CFAP54: variants seen among roughly 807,000 people sequenced by gnomAD.
CFAP54 encodes the protein cilia and flagella associated protein 54, also known as cilia- and flagella-associated protein 54.
A neutral mutation model predicts 370.4 loss-of-function variants in CFAP54; 290 were observed. The observed-to-expected ratio is 0.78, with a 90% CI of 0.71 to 0.86. The LOEUF (loss-of-function observed/expected upper bound fraction) is 0.86, where lower values mean the gene tolerates loss of function less well. CFAP54 is among the 40% of genes least tolerant of loss of function. The probability of loss-of-function intolerance (pLI) is 0.00; values close to 1 mark genes in which losing one functional copy is unlikely to be tolerated. For missense variants in CFAP54, 3,399 were observed against 3,528.7 expected (o/e 0.96, Z 0.93); for synonymous variants, 1,206 against 1,236.5 (o/e 0.98, Z 0.52).
chr12:96,739,813 G>A (rs944644053), intron 50 of CFAP54, 143 bp from the exon 51 acceptor site: 1 of 558,772 alleles, frequency 1.8e-6, no homozygotes, highest in African/African-American at 1.9e-5. Context: ...GTACTATTAG[G>A]GCCTGCAGAA....
chr12:96,804,940 G>A (rs1038109843), intron 63 of CFAP54, among the ~76,000 whole-genome samples: 1 of 151,964 alleles, frequency 6.6e-6, no homozygotes, highest in Non-Finnish European at 1.5e-5. Flanking sequence ...AAGTAAAACC[G>A]TATACCTTTA....
chr12:96,722,467 G>C (rs1019154595), intron 50 of CFAP54, among the ~76,000 whole-genome samples: 1 of 152,228 alleles, frequency 6.6e-6, no homozygotes, highest in Non-Finnish European at 1.5e-5. Context: ...GCCTCTTGTG[G>C]CTGGGGTGGA....
chr12:96,607,045 C>T (rs2136450625), intron 26 of CFAP54, among the ~76,000 whole-genome samples: 1 of 152,296 alleles, frequency 6.6e-6, no homozygotes, highest in Admixed American at 6.5e-5. Context: ...AACAGAGAGG[C>T]TTCTACCCTC....
chr12:96,787,123 TA>T (rs1224657428), intron 62 of CFAP54, among the ~76,000 whole-genome samples: 1 of 152,200 alleles, frequency 6.6e-6, no homozygotes. Context: ...ATAAGTCTTT[TA>T]AAATGCCTTA....
chr12:96,586,716 A>C (rs1488805410), intron 22 of CFAP54, among the ~76,000 whole-genome samples: 1 of 152,182 alleles, frequency 6.6e-6, no homozygotes, highest in Non-Finnish European at 1.5e-5. Context: ...TGGGGAGCAG[A>C]TCATGAAAAG....
intron 66 of CFAP54, among the ~76,000 whole-genome samples, chr12:96,856,611 A>C (rs1341808441): frequency 6.6e-6 from 1 of 151,122 alleles, no homozygotes; most frequent in African/African-American, 2.5e-5. Context: ...AGACCACCTC[A>C]TCCTGGACTT....
intron 17 of CFAP54, among the ~76,000 whole-genome samples, chr12:96,560,123 G>A (rs764641133): frequency 1.6e-4 from 25 of 152,104 alleles, no homozygotes; most frequent in Non-Finnish European, 3.1e-4. Flanking sequence ...AGTTATTTGT[G>A]TTGAGAACAT....
At chr12:96,560,385 A>C (rs946180506) in intron 17 of CFAP54, among the ~76,000 whole-genome samples, 21 of 152,266 alleles carry the variant, frequency 1.4e-4, no homozygotes, top group African/African-American at 5.1e-4. Flanking sequence ...TCTATTATGC[A>C]TCTAATTTTC....
At chr12:96,772,651 G>T (rs937733370) in intron 60 of CFAP54, among the ~76,000 whole-genome samples, 10 of 135,160 alleles carry the variant, frequency 7.4e-5, no homozygotes, top group Admixed American at 7.1e-4. Context: ...GGAGTGCAAT[G>T]GCATACTGCC....
chr12:96,716,293 C>T (rs576319470), intron 48 of CFAP54, among the ~76,000 whole-genome samples: 118 of 152,234 alleles, frequency 7.8e-4, no homozygotes, highest in Non-Finnish European at 1.3e-3. Flanking sequence ...TGATTTTTTG[C>T]TTGGAGATGT....
intron 66 of CFAP54, among the ~76,000 whole-genome samples, chr12:96,832,282 A>AAAT (rs1565996101): frequency 1.5e-5 from 2 of 129,766 alleles, no homozygotes; most frequent in South Asian, 2.3e-4. Context: ...AAAAAAAAAA[A>AAAT]ATATATATAT....
chr12:96,726,642 A>C (rs1427329941), intron 50 of CFAP54, among the ~76,000 whole-genome samples: 1 of 151,362 alleles, frequency 6.6e-6, no homozygotes, highest in Non-Finnish European at 1.5e-5. Flanking sequence ...GGATTCATTA[A>C]TTTTTTGAAG....
rs558843286 is a variant in CFAP54, at chr12:96,599,608, A to G, written c.3639+841A>G. Among the ~76,000 whole-genome samples the G allele has an allele frequency of 5.9e-5, 9 of 152,308 alleles. No individual in the cohort carries two copies. The South Asian group carries it at 1.9e-3, about 32-fold the overall frequency. ...CACTGTCTTCCACAATGGTTGAACT[A>G]ATTTACACTCCCATCAACAGTGTAA... On this transcript the variant is annotated intron_variant, in intron 26 of 67. Transcript: ENST00000524981.
At position 96,535,589 on chromosome 12, in the gene CFAP54, A is replaced by G; in HGVS notation, c.1780A>G (p.Thr594Ala). 1 of 1,533,668 alleles carries G rather than the reference A, an allele frequency of 6.5e-7. No individual in the cohort carries two copies. The highest frequency in any genetic ancestry group is 8.7e-7 in the Non-Finnish European group (1 of 1,144,718). The change falls in exon 12 of 68, where the codon ACT becomes GCT. Residue 594 changes from threonine (T) to alanine (A), a missense_variant. Around this residue, in one of 3 missense-constraint regions of CFAP54, gnomAD observed 2,796 missense variants for 2,869.7 expected, o/e 0.97. Coordinates refer to ENST00000524981, the MANE Select transcript of CFAP54 (RefSeq NM_001306084.2). Reference protein sequence around the residue: ...LAATLYVCVCTAPQDVQPDKE... With the variant: ...LAATLYVCVCAAPQDVQPDKE... ...AGCAACCTTGTATGTCTGTGTCTGC[A>G]CTGCTCCCCAGGTGAAATAGCTATT...
At chr12:96,844,606 T>C (rs1959285889) in intron 66 of CFAP54, among the ~76,000 whole-genome samples, 1 of 152,230 alleles carries the variant, frequency 6.6e-6, no homozygotes, top group South Asian at 2.1e-4. Context: ...CATAAGTACA[T>C]TCTGAAGTTA....
At chr12:96,646,394 T>C (rs1218468113) in intron 33 of CFAP54, 1 of 152,066 alleles carries the variant, frequency 6.6e-6, no homozygotes, top group Non-Finnish European at 1.5e-5. Context: ...AAAACCACAA[T>C]GAGATACCAT....
At chr12:96,818,498 C>T (rs538696391) in intron 65 of CFAP54, among the ~76,000 whole-genome samples, 1 of 152,188 alleles carries the variant, frequency 6.6e-6, no homozygotes, top group African/African-American at 2.4e-5. Context: ...TATATGGAGA[C>T]CAAAATGTCA....
At chr12:96,543,516 T>G (rs1955601449) in intron 14 of CFAP54, among the ~76,000 whole-genome samples, 1 of 152,232 alleles carries the variant, frequency 6.6e-6, no homozygotes, top group Non-Finnish European at 1.5e-5. Flanking sequence ...TCATTCCTTT[T>G]GCATTTATTA....
chr12:96,836,014 T>G (rs1317656017), intron 66 of CFAP54, among the ~76,000 whole-genome samples: 1 of 152,042 alleles, frequency 6.6e-6, no homozygotes, highest in Admixed American at 6.5e-5. Context: ...CTAAGTGACA[T>G]GGTAGGGAAC....
Sources: allele counts gnomAD v4.1 joint callset (sites outside exome capture counted in the v4.1 genomes callset), GRCh38; gene constraint gnomAD v4.1.1; regional missense constraint gnomAD v4.1.1; transcripts MANE v1.5; gene names NCBI Gene and HGNC (gene_info 2026-07-23, HGNC 2026-07-21).